BCR: variants seen among roughly 807,000 people sequenced by gnomAD.
BCR encodes breakpoint cluster region protein.
BCR carries 58 observed loss-of-function variants against 138.6 expected under a neutral mutation model. That is an observed-to-expected ratio of 0.42 (90% confidence interval 0.34 to 0.52). The LOEUF is 0.52. BCR is among the 20% of genes least tolerant of loss of function. BCR has a pLI of 0.06. For synonymous variants in BCR, 786 were observed against 730.1 expected, an observed-to-expected ratio of 1.08 and a Z score of -1.23; for missense variants, 1,599 against 1,727.2, an observed-to-expected ratio of 0.93 and a Z score of 1.32.
At chr22:23,215,207 C>T (rs1489361131) in intron 1 of BCR, among the ~76,000 whole-genome samples, 2 of 152,354 alleles carry the variant, frequency 1.3e-5, no homozygotes, top group South Asian at 2.1e-4. Context: ...TATATGTCTG[C>T]ACCGCATTTT....
intron 1 of BCR, among the ~76,000 whole-genome samples, chr22:23,186,989 GCCTCCCA>G (rs1454706761): frequency 6.6e-6 from 1 of 152,214 alleles, no homozygotes; most frequent in African/African-American, 2.4e-5. Context: ...ACCCGTCTTG[GCCTCCCA>G]GAGTGCTGGG....
chr22:23,305,450 G>T (rs993579559), intron 16 of BCR, among the ~76,000 whole-genome samples: 2 of 152,118 alleles, frequency 1.3e-5, no homozygotes, highest in Non-Finnish European at 2.9e-5. Context: ...GATGTCCTCC[G>T]GCTGCCCATT....
chr22:23,264,660 A>G (rs901893456), intron 4 of BCR: 7 of 222,698 alleles, frequency 3.1e-5, no homozygotes, highest in Non-Finnish European at 5.4e-5. Context: ...GGAGAGGCCC[A>G]TCCTACACCC....
chr22:23,278,090 A>G (rs55844144), intron 8 of BCR, among the ~76,000 whole-genome samples: 5,447 of 152,318 alleles, frequency 0.036, 149 homozygotes, highest in African/African-American at 0.063. Context: ...TTAGATAACC[A>G]ATCCCCACTG....
intron 1 of BCR, among the ~76,000 whole-genome samples, chr22:23,230,837 C>G (rs1331736543): frequency 6.6e-6 from 1 of 152,306 alleles, no homozygotes; most frequent in East Asian, 1.9e-4. Flanking sequence ...GCTCCCCAGC[C>G]GCACATCCAG....
At chr22:23,190,280 G>A (rs960596290) in intron 1 of BCR, among the ~76,000 whole-genome samples, 9 of 152,124 alleles carry the variant, frequency 5.9e-5, no homozygotes, top group Admixed American at 5.2e-4. Flanking sequence ...CAATTCTCCC[G>A]CCTCAGCCTT....
intron 4 of BCR, among the ~76,000 whole-genome samples, chr22:23,268,109 C>T (rs940507322): frequency 1.3e-5 from 2 of 152,216 alleles, no homozygotes; most frequent in African/African-American, 2.4e-5. Flanking sequence ...TCAGCTGCCG[C>T]TCATGGCACC....
intron 16 of BCR, among the ~76,000 whole-genome samples, chr22:23,304,720 C>T (rs1346836893): frequency 6.6e-6 from 1 of 152,224 alleles, no homozygotes; most frequent in Non-Finnish European, 1.5e-5. Flanking sequence ...TCTACATCCT[C>T]ACCGATGCTG....
intron 11 of BCR, among the ~76,000 whole-genome samples, chr22:23,287,531 G>A (rs557982381): frequency 6.6e-6 from 1 of 152,354 alleles, no homozygotes; most frequent in South Asian, 2.1e-4. Flanking sequence ...GGGGAGCCTA[G>A]CAGGTTTGTG....
intron 1 of BCR, among the ~76,000 whole-genome samples, chr22:23,233,073 G>A (rs1356847077): frequency 6.6e-6 from 1 of 152,236 alleles, no homozygotes; most frequent in Non-Finnish European, 1.5e-5. Flanking sequence ...TTGGGATCCT[G>A]TAGAAAATCT....
chr22:23,264,472 T>C lies in BCR; in HGVS notation c.1752+2932T>C, dbSNP rs916971931. On this transcript the variant is annotated intron_variant, in intron 4 of 22. Coordinates refer to ENST00000305877, the MANE Select transcript of BCR (RefSeq NM_004327.4). The stretch of plus-strand genomic sequence containing the variant: ...CACTGCCCCACTGTGCTCCTGGGCC[T>C]GTGACCCCAGTGCTCAGGCACCTTG... The C allele has an allele frequency of 1.4e-4, 87 of 606,340 alleles. 1 individual carries two copies. The highest frequency in any genetic ancestry group is 4.2e-4 in the Admixed American group (15 of 35,468). 37.6% of individuals were successfully genotyped at this position (606,340 alleles called of 1,614,324 possible).
chr22:23,238,778 A>G (rs2073054167), intron 1 of BCR, among the ~76,000 whole-genome samples: 1 of 151,862 alleles, frequency 6.6e-6, no homozygotes, highest in African/African-American at 2.4e-5. Context: ...GGAATTACAG[A>G]CTACCCCCAG....
intron 1 of BCR, among the ~76,000 whole-genome samples, chr22:23,228,488 A>G (rs1396071045): frequency 6.6e-6 from 1 of 152,232 alleles, no homozygotes; most frequent in East Asian, 1.9e-4. Flanking sequence ...CCACAAACTT[A>G]GTGACTTCAA....
Position 23,181,067 on chromosome 22 carries a change from A to G in BCR, c.107A>G (p.Glu36Gly). The G allele has an allele frequency of 6.6e-7, 1 of 1,522,054 alleles. No individual in the cohort carries two copies. The highest frequency in any genetic ancestry group is 8.9e-7 in the Non-Finnish European group (1 of 1,129,766). The allele number at this position is 1,522,054 out of a possible 1,614,324, so 94.3% of individuals were successfully genotyped here. A position where few individuals can be genotyped will look rare whatever the true frequency, so the allele number is the denominator to read the frequency against. ...GTGGGCGACATCGAGCAGGAGCTGG[A>G]GCGCTGCAAGGCCTCCATTCGGCGC... The part of the protein sequence containing the change: ...RSVGDIEQEL[E>G]RCKASIRRLE... Residue 36 changes from glutamate (E) to glycine (G), a missense_variant, in exon 1 of 23, where the codon GAG (glutamate) becomes GGG (glycine). Glu to Gly is a moderately conservative substitution (Grantham distance 98, BLOSUM62 -2). Transcript: ENST00000305877.
At chr22:23,227,204 C>G (rs1173407329) in intron 1 of BCR, among the ~76,000 whole-genome samples, 2 of 152,172 alleles carry the variant, frequency 1.3e-5, no homozygotes, top group African/African-American at 2.4e-5. Context: ...CTGACAAGTG[C>G]CACTTGTTAA....
At chr22:23,196,854 C>G (rs936094603) in intron 1 of BCR, among the ~76,000 whole-genome samples, 11 of 152,190 alleles carry the variant, frequency 7.2e-5, no homozygotes, top group African/African-American at 2.7e-4. Context: ...TCACTCTCCG[C>G]CTACCGCTCA....
At chr22:23,276,186 T>G (rs547429711) in intron 8 of BCR, among the ~76,000 whole-genome samples, 1 of 151,970 alleles carries the variant, frequency 6.6e-6, no homozygotes, top group Non-Finnish European at 1.5e-5. Flanking sequence ...GATCACCAGG[T>G]CAGAAGTTTG....
chr22:23,311,524 A>G (rs1363462593), intron 18 of BCR, among the ~76,000 whole-genome samples, 173 bp from the exon 19 acceptor site: 5 of 152,130 alleles, frequency 3.3e-5, no homozygotes, highest in Admixed American at 6.6e-5. Context: ...CCATGAGGAC[A>G]GAGCTTGCAG....
At chr22:23,206,933 CCATT>C (rs10548158) in intron 1 of BCR, among the ~76,000 whole-genome samples, 66,843 of 118,164 alleles carry the variant, frequency 0.57, 18,945 homozygotes, top group East Asian at 0.85. Context: ...CCTCTGTCAT[CCATT>C]CATTCCTCCC....
Sources: allele counts gnomAD v4.1 joint callset (sites outside exome capture counted in the v4.1 genomes callset), GRCh38; gene constraint gnomAD v4.1.1; transcripts MANE v1.5; gene names NCBI Gene and HGNC (gene_info 2026-07-23, HGNC 2026-07-21).